Variants in LEKR1 observed in about 807,000 individuals in gnomAD.
LEKR1 encodes protein LEKR1.
LEKR1 carries 59 observed loss-of-function variants against 72.4 expected under a neutral mutation model. That is an observed-to-expected ratio of 0.82 (90% CI 0.66 to 1.01). The LOEUF is 1.01. Ranked by LOEUF, LEKR1 falls within the 50% of genes least tolerant of loss-of-function variation. LEKR1 has a pLI of 0.00. For synonymous variants in LEKR1, 257 were observed against 263.2 expected (o/e 0.98, Z 0.23); for missense variants, 728 against 759.2 (o/e 0.96, Z 0.48).
At chr3:156,899,700 ACG>A (rs1560064947) in intron 3 of LEKR1, among the ~76,000 whole-genome samples, 46 of 144,776 alleles carry the variant, frequency 3.2e-4, no homozygotes, top group African/African-American at 1.1e-3. Context: ...ACATATATAC[ACG>A]CATATATACA....
chr3:157,013,800 C>A (rs1406523963), intron 10 of LEKR1, among the ~76,000 whole-genome samples: 1 of 152,028 alleles, frequency 6.6e-6, no homozygotes, highest in African/African-American at 2.4e-5. Context: ...CTTCTTGGGT[C>A]ACTGTGCCTT....
rs25520 is a variant in LEKR1 at position 156,887,318 on chromosome 3, G to A, written c.264-33257G>A. 1.8e-3 allele frequency among the ~76,000 whole-genome samples: 276 copies of A among 152,120 alleles called. 2 individuals are homozygous for A. Among genetic ancestry groups the A allele is most frequent in the African/African-American group, 6.5e-3 (270 of 41,488 alleles). On this transcript the variant is annotated intron_variant, in intron 3 of 12. Coordinates refer to ENST00000356539, the MANE Select transcript of LEKR1 (RefSeq NM_001004316.3). ...CTCTCTGCCTTCTTGGTGGGCCCTT[G>A]AGGTGCACAGTGCAGGTGTGGAGTG... is the stretch of plus-strand genomic sequence containing the variant.
At chr3:156,899,290 A>C (rs901870024) in intron 3 of LEKR1, among the ~76,000 whole-genome samples, 1 of 146,414 alleles carries the variant, frequency 6.8e-6, no homozygotes, top group Non-Finnish European at 1.5e-5. Flanking sequence ...ATATACATGT[A>C]TATATACATA....
intron 3 of LEKR1, among the ~76,000 whole-genome samples, chr3:156,885,648 G>A (rs923247592): frequency 6.6e-6 from 1 of 152,246 alleles, no homozygotes; most frequent in African/African-American, 2.4e-5. Flanking sequence ...ATGGATACTA[G>A]CACCTCCTCT....
chr3:156,986,187 T>G (rs887162838), intron 7 of LEKR1, among the ~76,000 whole-genome samples: 1 of 152,334 alleles, frequency 6.6e-6, no homozygotes, highest in South Asian at 2.1e-4. Context: ...AACACTAAGC[T>G]TGTGGTCATT....
chr3:156,861,325 G>T (rs1176131384), intron 3 of LEKR1, among the ~76,000 whole-genome samples: 2 of 152,028 alleles, frequency 1.3e-5, no homozygotes, highest in East Asian at 1.9e-4. Flanking sequence ...GCACTTTTTG[G>T]TGTTTATGGA....
At chr3:156,966,858 C>T (rs1165346900) in intron 6 of LEKR1, among the ~76,000 whole-genome samples, 1 of 152,198 alleles carries the variant, frequency 6.6e-6, no homozygotes, top group Non-Finnish European at 1.5e-5. Flanking sequence ...CTCCAAGTAG[C>T]CTAACTGGGA....
chr3:157,038,085 A>G (rs1171373749), intron 12 of LEKR1, among the ~76,000 whole-genome samples: 7 of 152,200 alleles, frequency 4.6e-5, no homozygotes, highest in Non-Finnish European at 7.3e-5. Flanking sequence ...AGGAATTGAC[A>G]TGATCTGACT....
At chr3:156,919,832 C>G (rs1314096370) in intron 3 of LEKR1, among the ~76,000 whole-genome samples, 1 of 152,078 alleles carries the variant, frequency 6.6e-6, no homozygotes, top group Non-Finnish European at 1.5e-5. Flanking sequence ...ACATCTTTTT[C>G]CTCATGTAAA....
chr3:156,928,078 A>G (rs1724891968), intron 5 of LEKR1, among the ~76,000 whole-genome samples: 1 of 152,038 alleles, frequency 6.6e-6, no homozygotes, highest in African/African-American at 2.4e-5. Flanking sequence ...TTCCAACTAT[A>G]TGACATTCTG....
At chr3:156,929,781 T>C (rs1277113472) in intron 5 of LEKR1, among the ~76,000 whole-genome samples, 1 of 152,174 alleles carries the variant, frequency 6.6e-6, no homozygotes. Flanking sequence ...AAACTATTTT[T>C]ACTCTGCATG....
intron 10 of LEKR1, among the ~76,000 whole-genome samples, chr3:157,020,547 C>G (rs9833311): frequency 6.7e-6 from 1 of 148,872 alleles, no homozygotes; most frequent in East Asian, 2.0e-4. Context: ...TTTGTCCTTG[C>G]GATAGTTTAC....
At chr3:156,858,674 C>CA (rs796279918) in intron 3 of LEKR1, among the ~76,000 whole-genome samples, 20,613 of 121,884 alleles carry the variant, frequency 0.17, 1,710 homozygotes, top group African/African-American at 0.26. Context: ...GACCCTGTCT[C>CA]AAAAAAAAAA....
At chr3:156,852,739 A>T (rs1008580150) in intron 2 of LEKR1, 29 bp from the exon 3 acceptor site, 1 of 1,250,514 alleles carries the variant, frequency 8.0e-7, no homozygotes, top group Non-Finnish European at 1.1e-6. Flanking sequence ...AATTAAAAAA[A>T]TTTGGTAAGT....
At chr3:156,852,739 A>G in intron 2 of LEKR1, 29 bp from the exon 3 acceptor site, 1 of 1,250,632 alleles carries the variant, frequency 8.0e-7, no homozygotes. Flanking sequence ...AATTAAAAAA[A>G]TTTGGTAAGT....
At chr3:156,886,634 C>T (rs1209256000) in intron 3 of LEKR1, among the ~76,000 whole-genome samples, 1 of 152,166 alleles carries the variant, frequency 6.6e-6, no homozygotes, top group Non-Finnish European at 1.5e-5. Flanking sequence ...CTTCCCACTG[C>T]TACTTCTACT....
rs536505782 is a variant in LEKR1, at chr3:156,998,752, T to C, written c.1109+5475T>C. ...CCATTTCCCCATAAAGCATAATTTT[T>C]AAGCTACAGGGAAGGGTTTTATCCA... On this transcript the variant is annotated intron_variant, in intron 9 of 12. Coordinates refer to ENST00000356539, the MANE Select transcript of LEKR1 (RefSeq NM_001004316.3). Among the ~76,000 whole-genome samples the C allele has an allele frequency of 1.1e-4, 16 of 152,322 alleles. No individual in the cohort carries two copies. In the South Asian group the frequency reaches 3.3e-3, roughly 32 times the overall value.
At chr3:156,900,441 A>G (rs886541703) in intron 3 of LEKR1, among the ~76,000 whole-genome samples, 2 of 152,190 alleles carry the variant, frequency 1.3e-5, no homozygotes, top group East Asian at 3.8e-4. Flanking sequence ...TTACAAAGGA[A>G]CTAGTGTAGT....
chr3:156,888,509 G>A (rs1214553595), intron 3 of LEKR1: 11 of 632,238 alleles, frequency 1.7e-5, no homozygotes, highest in Admixed American at 1.1e-4. Flanking sequence ...GAAGATTTTG[G>A]AGAGGCACAG....
Sources: allele counts gnomAD v4.1 joint callset (sites outside exome capture counted in the v4.1 genomes callset), GRCh38; gene constraint gnomAD v4.1.1; transcripts MANE v1.5; gene names NCBI Gene and HGNC (gene_info 2026-07-23, HGNC 2026-07-21).